Variants in TTC13 observed in about 807,000 individuals in gnomAD.
The protein encoded by TTC13 is tetratricopeptide repeat protein 13.
A neutral mutation model predicts 120.0 loss-of-function variants in TTC13; 62 were observed. That is an observed-to-expected ratio of 0.52 (90% CI 0.42 to 0.64). The LOEUF is 0.64. Ranked by LOEUF, TTC13 falls within the 30% of genes least tolerant of loss-of-function variation. The pLI, the probability that TTC13 is intolerant of heterozygous loss-of-function variation, is 0.00. For missense variants in TTC13, 824 were observed against 1,050.2 expected (o/e 0.78, Z 2.98); for synonymous variants, 384 against 393.5 (o/e 0.98, Z 0.28).
chr1:230,947,197 C>A (rs894262964), intron 4 of TTC13, among the ~76,000 whole-genome samples: 2 of 151,940 alleles, frequency 1.3e-5, no homozygotes, highest in African/African-American at 2.4e-5. Flanking sequence ...AAGCCTGCCC[C>A]CCCAGAGATA....
intron 14 of TTC13, 53 bp from the exon 15 acceptor site, chr1:230,923,986 A>T: frequency 6.9e-7 from 1 of 1,440,078 alleles, no homozygotes; most frequent in South Asian, 1.2e-5. Flanking sequence ...CATTCCAAAT[A>T]AAACATGTAG....
At chr1:230,964,260 G>C (rs1676919154) in intron 1 of TTC13, among the ~76,000 whole-genome samples, 1 of 151,958 alleles carries the variant, frequency 6.6e-6, no homozygotes, top group African/African-American at 2.4e-5. Context: ...CTATATTTTT[G>C]AAAATGTACC....
chr1:230,966,223 AC>A (rs1026478223), intron 1 of TTC13, among the ~76,000 whole-genome samples: 35 of 152,216 alleles, frequency 2.3e-4, no homozygotes, highest in African/African-American at 8.4e-4. Context: ...CACAATACAT[AC>A]ATTTTAATAT....
rs1281009454 is a variant in TTC13 at position 230,933,810 on chromosome 1, C to T, written c.952G>A (p.Asp318Asn). 2 of 1,609,124 alleles carry T rather than the reference C, an allele frequency of 1.2e-6. No homozygotes were observed. Among genetic ancestry groups the T allele is most frequent in the Non-Finnish European group, 1.7e-6 (2 of 1,178,096 alleles). ...EALKQKVDFI[D>N]AYKSLGQAYR... ...GCCTGCCCTAGACTTTTATATGCATCAATAAAGTCAACTTTCTGCTTCAAA... is the reference window on the plus strand; with the variant it reads ...GCCTGCCCTAGACTTTTATATGCATTAATAAAGTCAACTTTCTGCTTCAAA... Residue 318 changes from aspartate to asparagine, a missense_variant, in exon 9 of 23, where the codon GAT (aspartate) becomes AAT (asparagine). Asp to Asn is a conservative substitution (Grantham distance 23). This residue lies in a region of TTC13 where 430 missense variants were observed against 626.8 expected (regional missense o/e 0.69). Coordinates refer to ENST00000366661, the MANE Select transcript of TTC13 (RefSeq NM_024525.5).
At chr1:230,928,591 T>A (rs571264571) in intron 12 of TTC13, among the ~76,000 whole-genome samples, 162 of 151,106 alleles carry the variant, frequency 1.1e-3, no homozygotes, top group Non-Finnish European at 1.7e-3. Flanking sequence ...CTCTGTGCAC[T>A]GTCTAGGACT....
chr1:230,941,488 G>A (rs1572235693), intron 6 of TTC13, among the ~76,000 whole-genome samples: 1 of 152,208 alleles, frequency 6.6e-6, no homozygotes, highest in East Asian at 1.9e-4. Flanking sequence ...TTTTTGCAGA[G>A]GTAGGGGTCT....
Position 230,908,724 on chromosome 1 carries a change from A to C in TTC13, c.2456T>G (p.Met819Arg). The part of the protein sequence containing the change: ...EAFSKVAKSW[M>R]NLKSISPSYK... ...CTCAAGTAGTTACCTTTTCAAGTTC[A>C]TCCAGCTTTTGGCGACTTTGCTAAA... The change falls in exon 22 of 23, where the codon ATG (methionine) becomes AGG (arginine). Residue 819 changes from methionine to arginine, a missense_variant. Coordinates refer to ENST00000366661, the MANE Select transcript of TTC13 (RefSeq NM_024525.5). 6.2e-7 allele frequency: 1 copy of C among 1,613,490 alleles called. No individual in the cohort carries two copies. Among genetic ancestry groups the C allele is most frequent in the Non-Finnish European group, 8.5e-7 (1 of 1,179,448 alleles).
At chr1:230,969,048 G>A (rs1677446499) in intron 1 of TTC13, among the ~76,000 whole-genome samples, 1 of 152,160 alleles carries the variant, frequency 6.6e-6, no homozygotes, top group Non-Finnish European at 1.5e-5. Flanking sequence ...GCTGAGGTGG[G>A]CGGATCACGA....
In TTC13 at chr1:230,916,216, G is replaced by T. The variant is rs1672014177; in HGVS notation, c.2070C>A (p.Phe690Leu). 1 of 1,613,580 alleles carries T rather than the reference G, an allele frequency of 6.2e-7. No homozygotes were observed. The highest frequency in any genetic ancestry group is 8.5e-7 in the Non-Finnish European group (1 of 1,179,654). Residue 690 changes from phenylalanine (F) to leucine (L), a missense_variant, in exon 18 of 23, where the codon TTC (phenylalanine) becomes TTA (leucine). Coordinates refer to ENST00000366661, the MANE Select transcript of TTC13 (RefSeq NM_024525.5). ...ACTTGTCTCCTGTAATCGTGATTGT[G>T]AATCCATCATATTCCTTCCCTTGGT... ...LKDQGKEYDG[F>L]TITITGDKVG...
intron 1 of TTC13, among the ~76,000 whole-genome samples, chr1:230,964,051 C>T: frequency 6.6e-6 from 1 of 152,176 alleles, no homozygotes; most frequent in East Asian, 1.9e-4. Flanking sequence ...TTACTATATG[C>T]CAGGCACTGT....
Position 230,908,953 on chromosome 1 carries a change from GA to G in TTC13, c.2376del (p.Lys796SerfsTer2). ...MASGKEVAGK[I>X]PKGKLVDFEA... ...CCGCTCCAACATACCTTCCCTTTGG[GA>G]ATTTTTCCTGCTACTTCTTTTCCAC... is the stretch of plus-strand genomic sequence containing the variant. On this transcript the variant is annotated frameshift_variant, in exon 21 of 23. Transcript: ENST00000366661. LOFTEE classifies it high-confidence loss of function. The G allele has an allele frequency of 6.2e-7, 1 of 1,614,108 alleles. No individual in the cohort carries two copies.
At chr1:230,938,222 T>A (rs138069543) in intron 8 of TTC13, among the ~76,000 whole-genome samples, 42 of 152,346 alleles carry the variant, frequency 2.8e-4, no homozygotes, top group African/African-American at 9.6e-4. Context: ...CAGAATGAAT[T>A]GCTTTTTGGC....
intron 15 of TTC13, among the ~76,000 whole-genome samples, chr1:230,922,604 C>A (rs568457453): frequency 1.3e-5 from 2 of 152,212 alleles, no homozygotes; most frequent in Non-Finnish European, 2.9e-5. Flanking sequence ...CACCACCAGG[C>A]GTAATGAGTT....
chr1:230,943,991 T>C, intron 5 of TTC13, 93 bp from the exon 6 acceptor site: 2 of 671,724 alleles, frequency 3.0e-6, no homozygotes, highest in Non-Finnish European at 4.9e-6. Flanking sequence ...AGTAATGATG[T>C]AACCAATTGT....
rs1431044147 is a variant in TTC13, at chr1:230,978,053, T to C, written c.271+507A>G. ...TTTTCCATTCCAGGGATCCAATTTT[T>C]AGGAACTGTTGTATACGAGACATTA... On this transcript the variant is annotated intron_variant, in intron 1 of 22. Transcript: ENST00000366661. The surrounding 1 kb of genome is among the most constrained non-coding windows in gnomAD (Gnocchi z 5.6). Among the ~76,000 whole-genome samples the C allele has an allele frequency of 1.3e-5, 2 of 152,172 alleles. No individual in the cohort carries two copies. Among genetic ancestry groups the C allele is most frequent in the Non-Finnish European group, 2.9e-5 (2 of 68,012 alleles).
intron 4 of TTC13, among the ~76,000 whole-genome samples, chr1:230,945,744 A>C (rs1202926359): frequency 6.6e-6 from 1 of 152,238 alleles, no homozygotes. Context: ...TTTAAAATGC[A>C]ATCCTCTCAA....
chr1:230,940,511 T>A lies in TTC13; in HGVS notation c.718A>T (p.Thr240Ser). 1 of 1,613,846 alleles carries A rather than the reference T, an allele frequency of 6.2e-7. No homozygotes were observed. Among genetic ancestry groups the A allele is most frequent in the Non-Finnish European group, 8.5e-7 (1 of 1,179,904 alleles). The change falls in exon 7 of 23, where the codon ACT becomes TCT. Residue 240 changes from threonine to serine, a missense_variant. Coordinates refer to ENST00000366661, the MANE Select transcript of TTC13 (RefSeq NM_024525.5). The surrounding 1 kb of genome is among the most constrained non-coding windows in gnomAD (Gnocchi z 4.1). ...GAGGGCTGCAGTTGGATAGCTTTAG[T>A]GAGGTCATTCACTGCTTCATTAATT... is the stretch of plus-strand genomic sequence containing the variant. The part of the protein sequence containing the change: ...GRINEAVNDL[T>S]KAIQLQPSAR...
At chr1:230,929,230 G>C in intron 11 of TTC13, 137 bp from the exon 12 acceptor site, 1 of 866,366 alleles carries the variant, frequency 1.2e-6, no homozygotes, top group East Asian at 2.7e-5. Flanking sequence ...ATTTTAGTAA[G>C]TCACTATTAG....
intron 8 of TTC13, chr1:230,936,435 C>T (rs1674062800): frequency 2.7e-6 from 1 of 365,988 alleles, no homozygotes; most frequent in Non-Finnish European, 5.4e-6. Context: ...GACAGGCAAC[C>T]ACCACCCTAG....
Sources: allele counts gnomAD v4.1 joint callset (sites outside exome capture counted in the v4.1 genomes callset), GRCh38; gene constraint gnomAD v4.1.1; regional missense constraint gnomAD v4.1.1; non-coding constraint Gnocchi (gnomAD v3.1); transcripts MANE v1.5; gene names NCBI Gene and HGNC (gene_info 2026-07-23, HGNC 2026-07-21).